The following UGT3A1 variants were observed in gnomAD, a reference collection of about 807,000 sequenced individuals.
The protein encoded by UGT3A1 is UDP glycosyltransferase family 3 member A1, also known as UDP-glycosyltransferase 3A1.
UGT3A1 carries 40 observed loss-of-function variants against 37.6 expected under a neutral mutation model. The observed-to-expected ratio is 1.06, with a 90% CI of 0.83 to 1.38. The LOEUF is 1.38. Among genes scored for constraint, UGT3A1 ranks in the 40% most tolerant of loss-of-function variants. The pLI, the probability that UGT3A1 is intolerant of heterozygous loss-of-function variation, is 0.00. For missense variants in UGT3A1, 642 were observed against 634.2 expected (o/e 1.01, Z -0.13); for synonymous variants, 256 against 232.3 (o/e 1.10, Z -0.93).
intron 5 of UGT3A1, 36 bp from the exon 6 acceptor site, chr5:35,955,900 G>C: frequency 1.9e-6 from 3 of 1,599,350 alleles, no homozygotes; most frequent in Non-Finnish European, 1.7e-6. Flanking sequence ...AACACTTCAG[G>C]ATGAAAAATT....
intron 2 of UGT3A1, among the ~76,000 whole-genome samples, chr5:35,978,055 G>T (rs1206200978): frequency 6.6e-6 from 1 of 152,064 alleles, no homozygotes; most frequent in Non-Finnish European, 1.5e-5. Context: ...TTCTATTTGA[G>T]ACAGAGTCTC....
chr5:35,998,546 C>A (rs1741147016), intron 1 of UGT3A1, among the ~76,000 whole-genome samples: 1 of 152,210 alleles, frequency 6.6e-6, no homozygotes, highest in South Asian at 2.1e-4. Context: ...CTTAATCCAG[C>A]CACTCTCTTG....
chr5:35,964,011 A>G (rs1490165216), intron 4 of UGT3A1, among the ~76,000 whole-genome samples: 1 of 152,214 alleles, frequency 6.6e-6, no homozygotes, highest in African/African-American at 2.4e-5. Flanking sequence ...AGATAAAAAA[A>G]TGTTTTGGAG....
chr5:35,976,367 A>G (rs931139572), intron 2 of UGT3A1, among the ~76,000 whole-genome samples: 1 of 152,224 alleles, frequency 6.6e-6, no homozygotes, highest in Non-Finnish European at 1.5e-5. Flanking sequence ...ATGCCCTGTG[A>G]TTAAAATTAA....
upstream of UGT3A1, among the ~76,000 whole-genome samples, chr5:35,995,697 G>T (rs971465549): frequency 7.2e-5 from 11 of 152,144 alleles, no homozygotes; most frequent in African/African-American, 2.7e-4. Flanking sequence ...GGCATAAAGA[G>T]TCACGGGAAT....
At chr5:35,958,923 A>G (rs909816072) in intron 4 of UGT3A1, among the ~76,000 whole-genome samples, 1 of 152,220 alleles carries the variant, frequency 6.6e-6, no homozygotes, top group East Asian at 1.9e-4. Flanking sequence ...TTTCAAGCTG[A>G]CAGAAGTCAT....
At chr5:35,991,788 G>A (rs989219118), upstream of UGT3A1, among the ~76,000 whole-genome samples, 2 of 152,046 alleles carry the variant, frequency 1.3e-5, no homozygotes, top group African/African-American at 2.4e-5. Flanking sequence ...GAATCCCTAA[G>A]GGAAACTGAT....
intron 1 of UGT3A1, among the ~76,000 whole-genome samples, chr5:35,989,336 T>C (rs1455818834): frequency 6.6e-6 from 1 of 152,174 alleles, no homozygotes; most frequent in Non-Finnish European, 1.5e-5. Flanking sequence ...CACGTTAATA[T>C]CTTCTCTTAG....
chr5:35,958,104 A>G (rs149576162), intron 4 of UGT3A1, among the ~76,000 whole-genome samples: 1 of 152,244 alleles, frequency 6.6e-6, no homozygotes, highest in East Asian at 1.9e-4. Flanking sequence ...GATATTTCAT[A>G]TATTATTTTT....
chr5:35,957,382 C>G lies in UGT3A1; in HGVS notation c.881G>C (p.Gly294Ala). 1 of 1,614,080 alleles carries G rather than the reference C, an allele frequency of 6.2e-7. No individual in the cohort carries two copies. The part of the protein sequence containing the change: ...DNFIANFGDA[G>A]FVLVAFGSML... ...GGAGCCAAAGGCCACAAGGACAAAC[C>G]CTGCATCCCCAAAGTTGGCAATGAA... The change falls in exon 5 of 7, where the codon GGG becomes GCG. Residue 294 changes from glycine to alanine, a missense_variant. By Grantham distance (60) the Gly-to-Ala change is moderately conservative (BLOSUM62 0). Transcript: ENST00000274278.
chr5:35,988,385 A>C, intron 2 of UGT3A1, 65 bp downstream of exon 2: 1 of 1,251,126 alleles, frequency 8.0e-7, no homozygotes, highest in South Asian at 1.5e-5. Flanking sequence ...CAGCTGTATA[A>C]AAAATATATT....
chr5:35,985,042 G>A (rs1410335914), intron 2 of UGT3A1, among the ~76,000 whole-genome samples: 4 of 136,638 alleles, frequency 2.9e-5, no homozygotes, highest in Admixed American at 8.0e-5. Context: ...TACTATTAAT[G>A]GACTGATGAA....
Position 35,951,465 on chromosome 5 carries a change from A to G in UGT3A1, c.*2737T>C, listed in dbSNP as rs1274269118. On this transcript the variant is annotated 3_prime_UTR_variant, in exon 7 of 7. Transcript: ENST00000274278. ...TCTTTGCTATTTTTTACTTAACCATATTGGAATTTGCTCCATATTAGCTTA... is the reference window on the plus strand; with the variant it reads ...TCTTTGCTATTTTTTACTTAACCATGTTGGAATTTGCTCCATATTAGCTTA... The G allele has an allele frequency of 6.6e-6, 1 of 152,100 alleles. No homozygotes were observed. Among genetic ancestry groups the G allele is most frequent in the African/African-American group, 2.4e-5 (1 of 41,426 alleles). 9.4% of individuals were successfully genotyped at this position (152,100 alleles called of 1,614,324 possible).
In UGT3A1 at chr5:35,988,439, A is replaced by G. The variant is rs758533402; in HGVS notation, c.196+11T>C. 6 of 1,578,736 alleles carry G rather than the reference A, an allele frequency of 3.8e-6. No individual in the cohort carries two copies. Among genetic ancestry groups the G allele is most frequent in the Non-Finnish European group, 5.2e-6 (6 of 1,165,004 alleles). ...TAAAAGAATATAAAAATTAGTTTTT[A>G]AAAAAGATACCTGGGATCAAAAACT... On this transcript the variant is annotated intron_variant, in intron 2 of 6. Transcript: ENST00000274278.
chr5:35,977,044 G>A (rs766369521), intron 2 of UGT3A1, among the ~76,000 whole-genome samples: 4 of 145,890 alleles, frequency 2.7e-5, no homozygotes, highest in Admixed American at 1.4e-4. Context: ...AAGAGAGAAA[G>A]GGAGAAAGAG....
intron 2 of UGT3A1, among the ~76,000 whole-genome samples, chr5:35,985,155 A>C (rs564500227): frequency 6.6e-6 from 1 of 151,700 alleles, no homozygotes; most frequent in Non-Finnish European, 1.5e-5. Flanking sequence ...ATTTAACAAA[A>C]GATGTAAAAG....
chr5:35,974,512 G>A (rs188781960), intron 2 of UGT3A1, among the ~76,000 whole-genome samples: 1 of 152,286 alleles, frequency 6.6e-6, no homozygotes, highest in Non-Finnish European at 1.5e-5. Flanking sequence ...TGGACTTAAA[G>A]ATTGCAAGGG....
intron 1 of UGT3A1, among the ~76,000 whole-genome samples, chr5:35,990,097 A>G (rs11738822): frequency 0.28 from 41,374 of 147,320 alleles, 7,021 homozygotes; most frequent in Non-Finnish European, 0.39. Flanking sequence ...GTCTCAAAAA[A>G]AAAAAAAAAA....
At chr5:35,976,365 T>G (rs528139438) in intron 2 of UGT3A1, among the ~76,000 whole-genome samples, 97 of 152,308 alleles carry the variant, frequency 6.4e-4, no homozygotes, top group African/African-American at 2.1e-3. Flanking sequence ...ATATGCCCTG[T>G]GATTAAAATT....
Sources: allele counts gnomAD v4.1 joint callset (sites outside exome capture counted in the v4.1 genomes callset), GRCh38; gene constraint gnomAD v4.1.1; transcripts MANE v1.5; gene names NCBI Gene and HGNC (gene_info 2026-07-23, HGNC 2026-07-21).